TDRP: variants seen among roughly 807,000 people sequenced by gnomAD.
TDRP encodes testis development related protein, also known as testis development-related protein.
Under a neutral mutation model 10.5 loss-of-function variants are expected in TDRP, and 12 were observed. That is an observed-to-expected ratio of 1.15 (90% confidence interval 0.73 to 1.86). The LOEUF is 1.86. TDRP is among the 40% of genes most tolerant of loss of function. The pLI, the probability that TDRP is intolerant of heterozygous loss-of-function variation, is 0.00. For missense variants in TDRP, 353 were observed against 229.2 expected (o/e 1.54, Z -3.49); for synonymous variants, 139 against 95.4 (o/e 1.46, Z -2.67).
At chr8:500,109 G>C (rs1801245880) in intron 1 of TDRP, among the ~76,000 whole-genome samples, 1 of 152,172 alleles carries the variant, frequency 6.6e-6, no homozygotes, top group Admixed American at 6.5e-5. Context: ...TAAAACGCTG[G>C]TAATGACCAA....
chr8:524,347 T>G (rs1205409853), intron 1 of TDRP, among the ~76,000 whole-genome samples: 2 of 152,148 alleles, frequency 1.3e-5, no homozygotes, highest in East Asian at 3.8e-4. Flanking sequence ...AAGCCCAAAC[T>G]GCATATACTA....
At chr8:500,396 G>C (rs1291968718) in intron 1 of TDRP, among the ~76,000 whole-genome samples, 1 of 152,294 alleles carries the variant, frequency 6.6e-6, no homozygotes, top group South Asian at 2.1e-4. Context: ...GGCCCCACCA[G>C]TGCGCACGTC....
rs530443975 is a variant in TDRP at position 507,575 on chromosome 8, T to A, written c.109-12978A>T. ...AGGAAGAAAGCCTGCCACACCTCCA[T>A]CATCCCAGGTAAGAGGGGCCACACC... On this transcript the variant is annotated intron_variant, in intron 1 of 2. Transcript: ENST00000324079. 3.3e-5 allele frequency among the ~76,000 whole-genome samples: 5 copies of A among 152,212 alleles called. No individual in the cohort carries two copies. The South Asian group carries it at 8.3e-4, about 25-fold the overall frequency.
intron 1 of TDRP, among the ~76,000 whole-genome samples, chr8:535,484 G>C (rs899662994): frequency 1.1e-4 from 17 of 152,114 alleles, no homozygotes; most frequent in African/African-American, 2.9e-4. Context: ...AAAGAAAAAG[G>C]AAGTGTCCCT....
chr8:545,485 G>A (rs1398818406), upstream of TDRP: 1 of 151,306 alleles, frequency 6.6e-6, no homozygotes, highest in Admixed American at 6.6e-5. Context: ...CGGAGGGCGT[G>A]GCCACGTCCG....
At chr8:544,033 G>C (rs1041395219) in intron 1 of TDRP, among the ~76,000 whole-genome samples, 1 of 152,096 alleles carries the variant, frequency 6.6e-6, no homozygotes, top group Non-Finnish European at 1.5e-5. Flanking sequence ...CTCTACACTC[G>C]TCAGGTAAAG....
At chr8:531,431 G>C (rs1159427452) in intron 1 of TDRP, among the ~76,000 whole-genome samples, 3 of 152,284 alleles carry the variant, frequency 2.0e-5, no homozygotes, top group East Asian at 3.9e-4. Context: ...AGTGGGTGCA[G>C]TCTTGCGGGA....
intron 1 of TDRP, among the ~76,000 whole-genome samples, chr8:536,771 T>A (rs1215745360): frequency 6.6e-6 from 1 of 152,176 alleles, no homozygotes; most frequent in Admixed American, 6.5e-5. Context: ...ACCACTCTGT[T>A]CCACAGGCAG....
At chr8:501,062 G>T (rs1041860782) in intron 1 of TDRP, among the ~76,000 whole-genome samples, 1 of 151,922 alleles carries the variant, frequency 6.6e-6, no homozygotes, top group Non-Finnish European at 1.5e-5. Flanking sequence ...AAAATTAGCC[G>T]GGCGTGATGG....
chr8:508,022 A>C (rs994912595), intron 1 of TDRP, among the ~76,000 whole-genome samples: 3 of 152,242 alleles, frequency 2.0e-5, no homozygotes, highest in Non-Finnish European at 2.9e-5. Context: ...CAGGCAACAC[A>C]AACTGCCAGA....
At chr8:544,550 G>A (rs1400109581) in intron 1 of TDRP, 100 bp downstream of exon 1, 34 of 807,978 alleles carry the variant, frequency 4.2e-5, no homozygotes, top group Non-Finnish European at 5.5e-5. Flanking sequence ...CCCAAACTGT[G>A]CCCCCAACTA....
At chr8:540,638 T>C (rs6558895) in intron 1 of TDRP, among the ~76,000 whole-genome samples, 5,581 of 152,184 alleles carry the variant, frequency 0.037, 340 homozygotes, top group African/African-American at 0.13. Context: ...TAGATGTGTA[T>C]TTATGACCAA....
intron 1 of TDRP, among the ~76,000 whole-genome samples, chr8:544,334 C>A (rs1802578571): frequency 6.6e-6 from 1 of 152,008 alleles, no homozygotes; most frequent in South Asian, 2.1e-4. Flanking sequence ...GGGACTGCGC[C>A]CCGAGTAACA....
Position 491,442 on chromosome 8 carries a change from G to C in TDRP, c.*957C>G, listed in dbSNP as rs990962131. The C allele has an allele frequency of 2.8e-5, 16 of 571,316 alleles. No individual in the cohort carries two copies. The highest frequency in any genetic ancestry group is 2.3e-4 in the African/African-American group (12 of 51,704). The allele number at this position is 571,316 out of a possible 1,614,324, so 35.4% of individuals were successfully genotyped here. A position where few individuals can be genotyped will look rare whatever the true frequency, so the allele number is the denominator to read the frequency against. On this transcript the variant is annotated 3_prime_UTR_variant, in exon 3 of 3. Coordinates refer to ENST00000324079, the MANE Select transcript of TDRP (RefSeq NM_001384899.1). ...GTAAGCAGACAGAAAAAGAACGCGAGAGATGCTCTCAAACCGGTCGTCGAT... is the reference window on the plus strand; with the variant it reads ...GTAAGCAGACAGAAAAAGAACGCGACAGATGCTCTCAAACCGGTCGTCGAT...
In TDRP at chr8:512,571, T is replaced by C. The variant is rs149743838; in HGVS notation, c.109-17974A>G. 5.4e-3 allele frequency among the ~76,000 whole-genome samples: 820 copies of C among 151,772 alleles called. 8 individuals are homozygous for C. Among genetic ancestry groups the C allele is most frequent in the African/African-American group, 0.019 (799 of 41,418 alleles). ...TATAAATCAAGAATATAAAGAAACA[T>C]TGTCCATCAAAAAAAAAAAGGCAAC... On this transcript the variant is annotated intron_variant, in intron 1 of 2. Transcript: ENST00000324079.
intron 1 of TDRP, among the ~76,000 whole-genome samples, chr8:499,795 C>G (rs1049196779): frequency 6.6e-6 from 1 of 152,240 alleles, no homozygotes; most frequent in African/African-American, 2.4e-5. Flanking sequence ...GCACTCTGCT[C>G]CTGTAGCCAG....
intron 1 of TDRP, among the ~76,000 whole-genome samples, chr8:518,736 T>G (rs75036945): frequency 6.7e-6 from 1 of 148,958 alleles, no homozygotes; most frequent in African/African-American, 2.5e-5. Context: ...TGAAAAAAAA[T>G]TGGAAAAGTA....
intron 1 of TDRP, among the ~76,000 whole-genome samples, chr8:524,095 A>G (rs1328680230): frequency 6.6e-6 from 1 of 152,236 alleles, no homozygotes; most frequent in Non-Finnish European, 1.5e-5. Flanking sequence ...CCAGCAGTTC[A>G]GCACAGACAG....
chr8:506,719 G>C (rs533829895), intron 1 of TDRP, among the ~76,000 whole-genome samples: 1 of 152,236 alleles, frequency 6.6e-6, no homozygotes, highest in Non-Finnish European at 1.5e-5. Context: ...CCCAGCTCCA[G>C]AGTCTTGGCT....
Sources: gnomAD v4.1 joint callset for allele counts (sites outside exome capture counted in the v4.1 genomes callset) on GRCh38, gnomAD v4.1.1 for gene constraint, MANE v1.5 for transcripts, NCBI Gene and HGNC (gene_info 2026-07-23, HGNC 2026-07-21) for gene names.